MARK3: variants seen among roughly 807,000 people sequenced by gnomAD.
MARK3 encodes microtubule affinity regulating kinase 3, also known as MAP/microtubule affinity-regulating kinase 3.
A neutral mutation model predicts 90.1 loss-of-function variants in MARK3; 46 were observed. The ratio of observed to expected loss-of-function variants is 0.51; its 90% confidence interval spans 0.40 to 0.65. The LOEUF is 0.65. Ranked by LOEUF, MARK3 falls within the 30% of genes least tolerant of loss-of-function variation. The pLI is 0.00. For missense variants in MARK3, 818 were observed against 947.2 expected, an observed-to-expected ratio of 0.86 and a Z score of 1.79; for synonymous variants, 321 against 332.6, an observed-to-expected ratio of 0.97 and a Z score of 0.38.
At chr14:103,480,530 C>G (rs368725370) in intron 14 of MARK3, 40 bp downstream of exon 14, 27 of 1,286,220 alleles carry the variant, frequency 2.1e-5, no homozygotes, top group Non-Finnish European at 1.3e-5. Flanking sequence ...GTTGTTTTTC[C>G]CAAGAGAAAT....
intron 4 of MARK3, among the ~76,000 whole-genome samples, chr14:103,450,325 A>T (rs796210037): frequency 3.9e-5 from 6 of 152,250 alleles, no homozygotes; most frequent in African/African-American, 1.4e-4. Context: ...TCAAATTCCA[A>T]CTTTTCACAC....
At chr14:103,413,455 C>A (rs2091778422) in intron 2 of MARK3, among the ~76,000 whole-genome samples, 1 of 131,108 alleles carries the variant, frequency 7.6e-6, no homozygotes. Flanking sequence ...GAGACAGAGT[C>A]TGGCTCTGTC....
chr14:103,477,432 C>T (rs1358032173), intron 13 of MARK3, among the ~76,000 whole-genome samples: 2 of 151,828 alleles, frequency 1.3e-5, no homozygotes, highest in Admixed American at 1.3e-4. Flanking sequence ...ATGGAGGTTG[C>T]AGTGAGCTGA....
In MARK3 at chr14:103,475,042, C is replaced by A. The variant is rs56134485; in HGVS notation, c.1314C>A (p.Thr438=). ...SVVAYPKRSQ[T]STADSDLKED... Reference sequence around the variant, plus strand: ...TGGCGTATCCGAAAAGGAGTCAGACCAGCACTGCAGATAGTGACCTCAAAG... The same window carrying A: ...TGGCGTATCCGAAAAGGAGTCAGACAAGCACTGCAGATAGTGACCTCAAAG... Residue 438 remains threonine (T), a synonymous_variant, in exon 13 of 18, where the codon ACC becomes ACA. Transcript: ENST00000429436. The A allele has an allele frequency of 8.0e-3, 12,885 of 1,614,042 alleles. 949 individuals are homozygous for A. In the African/African-American group the frequency reaches 0.15, roughly 19 times the overall value.
At chr14:103,412,694 C>T (rs932014543) in intron 2 of MARK3, 6 of 683,098 alleles carry the variant, frequency 8.8e-6, no homozygotes, top group Non-Finnish European at 1.5e-5. Flanking sequence ...GGGGCACTTT[C>T]ACTGGTTCCC....
intron 13 of MARK3, among the ~76,000 whole-genome samples, chr14:103,479,671 T>G (rs995824275): frequency 6.7e-6 from 1 of 148,988 alleles, no homozygotes; most frequent in Non-Finnish European, 1.5e-5. Flanking sequence ...TTGCTCTTGT[T>G]ACACAGGCTG....
Position 103,491,791 on chromosome 14 carries a change from A to G in MARK3, c.1601A>G (p.Gln534Arg). The G allele has an allele frequency of 6.2e-7, 1 of 1,614,132 alleles. No homozygotes were observed. ...TGATCTCATAGCACTATTCCTGATC[A>G]GAGAACTCCAGTTGCTTCAACACAC... ...NGKENSTIPD[Q>R]RTPVASTHSI... Residue 534 changes from glutamine to arginine, a missense_variant, in exon 15 of 18, where the codon CAG becomes CGG. Gln to Arg is a conservative substitution (Grantham distance 43). Transcript: ENST00000429436.
At chr14:103,485,668 C>T (rs2093915806) in intron 14 of MARK3, among the ~76,000 whole-genome samples, 1 of 152,110 alleles carries the variant, frequency 6.6e-6, no homozygotes, top group Admixed American at 6.5e-5. Flanking sequence ...CTGATAGGGG[C>T]TAGAGGTCAT....
chr14:103,487,423 C>G (rs1228145738), intron 14 of MARK3, among the ~76,000 whole-genome samples: 1 of 151,892 alleles, frequency 6.6e-6, no homozygotes, highest in Non-Finnish European at 1.5e-5. Flanking sequence ...TCTGTCCACA[C>G]CCTCTTACCA....
In MARK3 at chr14:103,496,215, G is replaced by A. The variant is rs185946999; in HGVS notation, c.1845-2287G>A. Reference sequence around the variant, plus strand: ...GCCTCCTTCCTCTTTATACCTCAAGGGATTATAGGAGGAAAAGTTAAGAAA... The same window carrying A: ...GCCTCCTTCCTCTTTATACCTCAAGAGATTATAGGAGGAAAAGTTAAGAAA... On this transcript the variant is annotated intron_variant, in intron 15 of 17. Transcript: ENST00000429436. 2.7e-4 allele frequency among the ~76,000 whole-genome samples: 41 copies of A among 152,234 alleles called. No individual in the cohort carries two copies. In the East Asian group the frequency reaches 7.9e-3, roughly 29 times the overall value.
chr14:103,397,403 C>T (rs1448601349), intron 1 of MARK3, among the ~76,000 whole-genome samples: 9 of 151,556 alleles, frequency 5.9e-5, no homozygotes, highest in Admixed American at 1.3e-4. Context: ...CTCGGCTCAC[C>T]GCAACCTCCG....
At chr14:103,406,247 G>A (rs910377716) in intron 2 of MARK3, among the ~76,000 whole-genome samples, 7 of 151,710 alleles carry the variant, frequency 4.6e-5, no homozygotes, top group Non-Finnish European at 7.4e-5. Context: ...GGGTTGGGAC[G>A]GAGTCTTGCC....
At position 103,491,765 on chromosome 14, in the gene MARK3, C is replaced by T. The variant is rs768637627; in HGVS notation, c.1587-12C>T. 1 of 1,611,562 alleles carries T rather than the reference C, an allele frequency of 6.2e-7. No individual in the cohort carries two copies. Among genetic ancestry groups the T allele is most frequent in the South Asian group, 1.1e-5 (1 of 91,006 alleles). On this transcript the variant is annotated splice_polypyrimidine_tract_variant and intron_variant, in intron 14 of 17. Coordinates refer to ENST00000429436, the MANE Select transcript of MARK3 (RefSeq NM_001128918.3). ...TCATGTTCTGAGAGCTTCTTACTTT[C>T]TGATCTCATAGCACTATTCCTGATC...
In MARK3 at chr14:103,396,172, C is replaced by CAG. The variant is rs5811104; in HGVS notation, c.52-8904_52-8903insAG. Among the ~76,000 whole-genome samples, 5 of 152,112 alleles carry CAG rather than the reference C, an allele frequency of 3.3e-5. No homozygotes were observed. The East Asian group carries it at 9.6e-4, about 29-fold the overall frequency. On this transcript the variant is annotated intron_variant, in intron 1 of 17. Transcript: ENST00000429436. ...TTTTGCCTGAGTGGGAGAGGAGACC[C>CAG]GGGGGTCTGTTATTTAACAGACTGA...
At chr14:103,464,651 C>T (rs546889510) in intron 7 of MARK3, among the ~76,000 whole-genome samples, 6 of 152,100 alleles carry the variant, frequency 3.9e-5, no homozygotes, top group South Asian at 2.1e-4. Flanking sequence ...CATTAACAGC[C>T]GTTTTATAGC....
chr14:103,414,222 A>G (rs202054998), intron 2 of MARK3, among the ~76,000 whole-genome samples: 1 of 102,622 alleles, frequency 9.7e-6, no homozygotes, highest in Non-Finnish European at 1.9e-5. Context: ...TTTTTTTTTT[A>G]AAGATGGACT....
intron 1 of MARK3, among the ~76,000 whole-genome samples, chr14:103,388,737 CT>C (rs2089999477): frequency 6.6e-6 from 1 of 152,112 alleles, no homozygotes. Context: ...GTAGTTTTGC[CT>C]TTTCTAGGAT....
intron 6 of MARK3, among the ~76,000 whole-genome samples, chr14:103,460,591 G>A (rs1182337310): frequency 6.6e-6 from 1 of 152,168 alleles, no homozygotes; most frequent in Non-Finnish European, 1.5e-5. Context: ...TGTGGCATCA[G>A]GTTAGCTTTG....
intron 3 of MARK3, among the ~76,000 whole-genome samples, chr14:103,446,170 C>T (rs894515740): frequency 1.3e-5 from 2 of 152,100 alleles, no homozygotes; most frequent in Admixed American, 6.5e-5. Context: ...TACTTAGATA[C>T]GTTTTCAGAG....
Sources: gnomAD v4.1 joint callset for allele counts (sites outside exome capture counted in the v4.1 genomes callset) on GRCh38, gnomAD v4.1.1 for gene constraint, MANE v1.5 for transcripts, NCBI Gene and HGNC (gene_info 2026-07-23, HGNC 2026-07-21) for gene names.